Variants in ATXN7 observed in about 807,000 individuals in gnomAD.
ATXN7 encodes ataxin 7.
Under a neutral mutation model 70.5 loss-of-function variants are expected in ATXN7, and 12 were observed. The observed-to-expected ratio is 0.17, with a 90% CI of 0.11 to 0.28. ATXN7 has a LOEUF of 0.28. ATXN7 is among the 10% of genes least tolerant of loss of function. ATXN7 has a pLI of 1.00. For synonymous variants in ATXN7, 498 were observed against 448.7 expected, an observed-to-expected ratio of 1.11 and a Z score of -1.39; for missense variants, 1,256 against 1,131.7, an observed-to-expected ratio of 1.11 and a Z score of -1.58.
intron 1 of ATXN7, among the ~76,000 whole-genome samples, chr3:63,883,570 A>C (rs1379254356): frequency 6.6e-6 from 1 of 152,188 alleles, no homozygotes; most frequent in Non-Finnish European, 1.5e-5. Context: ...TTGTAACATT[A>C]AAATATGCAA....
intron 2 of ATXN7, among the ~76,000 whole-genome samples, chr3:63,903,535 G>A (rs1219505002): frequency 6.6e-6 from 1 of 151,884 alleles, no homozygotes; most frequent in Non-Finnish European, 1.5e-5. Context: ...CAAACAAAAA[G>A]TTGAAAAGTA....
intron 4 of ATXN7, among the ~76,000 whole-genome samples, chr3:63,925,552 C>A (rs370501085): frequency 6.6e-6 from 1 of 152,180 alleles, no homozygotes; most frequent in African/African-American, 2.4e-5. Context: ...CCTGACCCCC[C>A]CAACCCTGGT....
At chr3:63,863,658 C>T (rs946936069), upstream of ATXN7, 22 of 1,220,680 alleles carry the variant, frequency 1.8e-5, no homozygotes, top group African/African-American at 2.8e-4. Flanking sequence ...AGCGCTCTGG[C>T]GAAGAGGCCG....
chr3:63,957,268 C>A (rs911034153), intron 5 of ATXN7, among the ~76,000 whole-genome samples: 2 of 145,684 alleles, frequency 1.4e-5, no homozygotes, highest in African/African-American at 2.6e-5. Flanking sequence ...CATTTAGAAT[C>A]TCTGTGATTA....
intron 6 of ATXN7, among the ~76,000 whole-genome samples, chr3:63,981,337 C>T (rs1185874098): frequency 2.0e-5 from 3 of 152,202 alleles, no homozygotes; most frequent in African/African-American, 4.8e-5. Flanking sequence ...AAGCCACAAA[C>T]GGTGCCAGTG....
chr3:63,864,647 A>G (rs1276742386), intron 1 of ATXN7: 3 of 152,210 alleles, frequency 2.0e-5, no homozygotes, highest in Admixed American at 6.5e-5. Flanking sequence ...CCGGCACCCA[A>G]TTCCACCACA....
chr3:63,964,073 A>AACACACACACACACAC (rs10557844), intron 5 of ATXN7, among the ~76,000 whole-genome samples: 84 of 147,176 alleles, frequency 5.7e-4, no homozygotes, highest in African/African-American at 1.6e-3. Context: ...TAGACACATA[A>AACACACACACACACAC]ACACACACAC....
At chr3:63,926,747 C>T (rs1248317342) in intron 4 of ATXN7, among the ~76,000 whole-genome samples, 1 of 152,100 alleles carries the variant, frequency 6.6e-6, no homozygotes, top group Admixed American at 6.5e-5. Context: ...ATGGTTTCTT[C>T]TAAACCTGCT....
chr3:63,996,320 T>C lies in ATXN7; in HGVS notation c.2498T>C (p.Ile833Thr). The change falls in exon 12 of 13, where the codon ATA (isoleucine) becomes ACA (threonine). Residue 833 changes from isoleucine (I) to threonine (T), a missense_variant. Coordinates refer to ENST00000674280, the MANE Select transcript of ATXN7 (RefSeq NM_001377405.1). ...TCACACACTCCTCTAGACAAACTCA[T>C]AGGAAAGAAAAGAAAGTGCTCACCC... ...SHSHTPLDKL[I>T]GKKRKCSPSS... 5 of 1,613,840 alleles carry C rather than the reference T, an allele frequency of 3.1e-6. No homozygotes were observed. The highest frequency in any genetic ancestry group is 4.2e-6 in the Non-Finnish European group (5 of 1,179,970).
chr3:63,874,418 C>T (rs969754555), intron 1 of ATXN7, among the ~76,000 whole-genome samples: 11 of 152,192 alleles, frequency 7.2e-5, no homozygotes, highest in Admixed American at 3.9e-4. Context: ...TTTATTTGGC[C>T]TTTGTAAGTA....
chr3:63,931,309 G>A (rs1260598010), intron 4 of ATXN7, among the ~76,000 whole-genome samples: 2 of 151,530 alleles, frequency 1.3e-5, no homozygotes, highest in East Asian at 1.9e-4. Context: ...GTAAACACCC[G>A]CCCCCCCAAA....
intron 4 of ATXN7, among the ~76,000 whole-genome samples, chr3:63,948,568 G>T (rs2074903868): frequency 6.6e-6 from 1 of 152,180 alleles, no homozygotes. Flanking sequence ...ATGCTTTGCA[G>T]TGCCATTCAG....
intron 1 of ATXN7, among the ~76,000 whole-genome samples, chr3:63,892,489 A>C (rs866633023): frequency 0.016 from 2,355 of 149,418 alleles, 72 homozygotes; most frequent in African/African-American, 0.053. Context: ...ACACACACAC[A>C]CACACCCACA....
chr3:63,886,259 G>A (rs1703084076), intron 1 of ATXN7, among the ~76,000 whole-genome samples: 1 of 152,106 alleles, frequency 6.6e-6, no homozygotes, highest in South Asian at 2.1e-4. Context: ...TTGGGGGAGT[G>A]GTGAGGGAAA....
chr3:63,984,904 T>C (rs2075549161), intron 8 of ATXN7, among the ~76,000 whole-genome samples: 1 of 152,244 alleles, frequency 6.6e-6, no homozygotes, highest in Admixed American at 6.5e-5. Context: ...CTGGGTTATT[T>C]ATCTTAGTAT....
intron 6 of ATXN7, among the ~76,000 whole-genome samples, chr3:63,981,981 A>G (rs1239991312): frequency 1.3e-5 from 2 of 152,192 alleles, no homozygotes; most frequent in Non-Finnish European, 2.9e-5. Context: ...TTGATGGTCC[A>G]CTGAGGGTTT....
chr3:63,924,554 A>G (rs1217339152), intron 4 of ATXN7, among the ~76,000 whole-genome samples: 1 of 152,194 alleles, frequency 6.6e-6, no homozygotes, highest in African/African-American at 2.4e-5. Flanking sequence ...TAAGGAAACC[A>G]GATGAGTGTG....
At chr3:63,998,087 A>C (rs999818537) in intron 12 of ATXN7, 7 of 984,986 alleles carry the variant, frequency 7.1e-6, no homozygotes, top group Non-Finnish European at 8.4e-6. Context: ...TCCCCACGGA[A>C]GGGGCATTCC....
chr3:63,912,348 C>T (rs1359278431), intron 2 of ATXN7, among the ~76,000 whole-genome samples: 2 of 151,522 alleles, frequency 1.3e-5, no homozygotes, highest in East Asian at 2.0e-4. Flanking sequence ...GCCTGCTGCC[C>T]GTCCCCTCCC....
Sources: gnomAD v4.1 joint callset for allele counts (sites outside exome capture counted in the v4.1 genomes callset) on GRCh38, gnomAD v4.1.1 for gene constraint, MANE v1.5 for transcripts, NCBI Gene and HGNC (gene_info 2026-07-23, HGNC 2026-07-21) for gene names.